MON2: variants seen among roughly 807,000 people sequenced by gnomAD.
MON2 encodes the protein protein MON2 homolog.
In MON2, 84 loss-of-function variants were observed where a neutral mutation model predicts 208.6. The ratio of observed to expected loss-of-function variants is 0.40; its 90% CI spans 0.34 to 0.48. The LOEUF is 0.48. MON2 is among the 20% of genes least tolerant of loss of function. The pLI, the probability that MON2 is intolerant of heterozygous loss-of-function variation, is 0.59. For synonymous variants in MON2, 660 were observed against 694.0 expected, an observed-to-expected ratio of 0.95 and a Z score of 0.77; for missense variants, 1,611 against 2,015.4, an observed-to-expected ratio of 0.80 and a Z score of 3.84.
chr12:62,537,800 G>A lies in MON2; in HGVS notation c.2118+94G>A, dbSNP rs944722662. The A allele has an allele frequency of 1.6e-5, 16 of 988,572 alleles. No individual in the cohort carries two copies. The African/African-American group carries it at 2.3e-4, about 14-fold the overall frequency. The allele number at this position is 988,572 out of a possible 1,614,324, so 61.2% of individuals were successfully genotyped here. A position where few individuals can be genotyped will look rare whatever the true frequency, so the allele number is the denominator to read the frequency against. On this transcript the variant is annotated intron_variant, in intron 16 of 34. Transcript: ENST00000393630. The stretch of plus-strand genomic sequence containing the variant: ...CAATGTATTTTGATGTTTTGGACAG[G>A]CCTAAAAAATAGATAGTAAGTATGA...
rs1285675849 is a variant in MON2 at position 62,561,059 on chromosome 12, A to C, written c.3978A>C (p.Ala1326=). Residue 1326 remains alanine, a synonymous_variant, in exon 26 of 35, where the codon GCA becomes GCC. Transcript: ENST00000393630. ...TTATTCTTCCATCTTATACCGAAGC[A>C]GTTTTGACAAGTTTACAGGAAGCTG... ...SPFILPSYTE[A]VLTSLQEAVL... is the part of the protein sequence containing the mutation. The C allele has an allele frequency of 2.5e-6, 4 of 1,613,084 alleles. No individual in the cohort carries two copies. Among genetic ancestry groups the C allele is most frequent in the Middle Eastern group, 3.3e-4 (2 of 6,052 alleles).
chr12:62,537,757 G>T, intron 16 of MON2, 51 bp downstream of exon 16: 1 of 1,342,510 alleles, frequency 7.4e-7, no homozygotes. Flanking sequence ...ATATATAATT[G>T]CTAACAGTTA....
At chr12:62,536,577 GT>G (rs2072981624) in intron 14 of MON2, among the ~76,000 whole-genome samples, 1 of 151,974 alleles carries the variant, frequency 6.6e-6, no homozygotes, top group Non-Finnish European at 1.5e-5. Context: ...TTCGAGTTCT[GT>G]ATTGCTTATG....
intron 1 of MON2, among the ~76,000 whole-genome samples, chr12:62,468,067 A>G (rs1207427478): frequency 6.6e-6 from 1 of 152,006 alleles, no homozygotes; most frequent in Non-Finnish European, 1.5e-5. Context: ...AATACATGGA[A>G]ATTTAATTCT....
At chr12:62,579,559 T>TAA (rs1475755677) in intron 31 of MON2, among the ~76,000 whole-genome samples, 216 of 137,266 alleles carry the variant, frequency 1.6e-3, no homozygotes, top group African/African-American at 3.3e-3. Flanking sequence ...CCGTCTCTAC[T>TAA]AAAAAAAAAA....
chr12:62,515,810 C>T (rs11614276), intron 8 of MON2, among the ~76,000 whole-genome samples: 41,579 of 151,038 alleles, frequency 0.28, 5,733 homozygotes, highest in Middle Eastern at 0.35. Flanking sequence ...AGCAAGACTC[C>T]GTCTCAGGAA....
chr12:62,523,475 A>C (rs1436010973), intron 8 of MON2, among the ~76,000 whole-genome samples: 1 of 152,314 alleles, frequency 6.6e-6, no homozygotes, highest in East Asian at 1.9e-4. Context: ...AAGCCTCTGC[A>C]TATACTTACC....
intron 24 of MON2, 141 bp downstream of exon 24, chr12:62,553,315 C>G: frequency 1.3e-6 from 1 of 772,600 alleles, no homozygotes; most frequent in Non-Finnish European, 2.0e-6. Flanking sequence ...ATAACTGTGT[C>G]ATATTGTAAA....
At position 62,555,975 on chromosome 12, in the gene MON2, C is replaced by T; in HGVS notation, c.3211-19C>T. 2 of 1,544,828 alleles carry T rather than the reference C, an allele frequency of 1.3e-6. No homozygotes were observed. Among genetic ancestry groups the T allele is most frequent in the Middle Eastern group, 1.7e-4 (1 of 5,872 alleles). ...TATATTATCAATGCATTTTAAATGA[C>T]ATTTTAATAAATATTTAGGTACTCT... On this transcript the variant is annotated intron_variant, in intron 24 of 34. Coordinates refer to ENST00000393630, the MANE Select transcript of MON2 (RefSeq NM_015026.3).
In MON2 at chr12:62,593,866, A is replaced by G. The variant is rs1565725406; in HGVS notation, c.*1117A>G. On this transcript the variant is annotated 3_prime_UTR_variant, in exon 35 of 35. Coordinates refer to ENST00000393630, the MANE Select transcript of MON2 (RefSeq NM_015026.3). ...ACTCACAAGTATAAAATATGTGTGT[A>G]TTATAAAACAATGAAAAGTGTATTT... is the stretch of plus-strand genomic sequence containing the variant. 2 of 152,184 alleles carry G rather than the reference A, an allele frequency of 1.3e-5. No individual in the cohort carries two copies. Among genetic ancestry groups the G allele is most frequent in the Non-Finnish European group, 2.9e-5 (2 of 68,012 alleles). The allele number at this position is 152,184 out of a possible 1,614,324, so 9.4% of individuals were successfully genotyped here. A position where few individuals can be genotyped will look rare whatever the true frequency, so the allele number is the denominator to read the frequency against.
intron 29 of MON2, among the ~76,000 whole-genome samples, chr12:62,568,059 A>G (rs1173433204): frequency 1.3e-5 from 2 of 152,364 alleles, no homozygotes; most frequent in East Asian, 3.9e-4. Flanking sequence ...CTGAAAGACA[A>G]AAAACTAAGT....
At position 62,508,197 on chromosome 12, in the gene MON2, G is replaced by C. The variant is rs1370665700; in HGVS notation, c.790-89G>C. On this transcript the variant is annotated intron_variant, in intron 7 of 34. Coordinates refer to ENST00000393630, the MANE Select transcript of MON2 (RefSeq NM_015026.3). ...AATTATTAATACTGGTTATTAAGAAGTTTTGTTTCCTAGTGAGACTGTGTT... is the reference window on the plus strand; with the variant it reads ...AATTATTAATACTGGTTATTAAGAACTTTTGTTTCCTAGTGAGACTGTGTT... The C allele has an allele frequency of 5.2e-6, 5 of 958,176 alleles. No individual in the cohort carries two copies. The South Asian group carries it at 8.2e-5, about 16-fold the overall frequency. The allele number at this position is 958,176 out of a possible 1,614,324, so 59.4% of individuals were successfully genotyped here.
chr12:62,532,407 CATT>C, intron 11 of MON2, 28 bp from the exon 12 acceptor site: 1 of 1,466,176 alleles, frequency 6.8e-7, no homozygotes, highest in South Asian at 1.1e-5. Flanking sequence ...TGTGGCTTCT[CATT>C]AGTATTCTAT....
intron 8 of MON2, among the ~76,000 whole-genome samples, chr12:62,511,784 C>T (rs1231968760): frequency 6.6e-6 from 1 of 152,200 alleles, no homozygotes; most frequent in Non-Finnish European, 1.5e-5. Context: ...AACTTAAAAT[C>T]TTCTACACCT....
In MON2 at chr12:62,525,996, A is replaced by G. The variant is rs570830362; in HGVS notation, c.1294A>G (p.Met432Val). The G allele has an allele frequency of 6.8e-6, 11 of 1,613,824 alleles. No homozygotes were observed. The African/African-American group carries it at 1.5e-4, about 22-fold the overall frequency. ...GSVSAPANSG[M>V]VGIGGGVTLL... The stretch of plus-strand genomic sequence containing the variant: ...AGTCTCAGCACCAGCTAACTCAGGA[A>G]TGGTGGGGATTGGTGGAGGTGTTAC... The change falls in exon 11 of 35, where the codon ATG becomes GTG. Residue 432 changes from methionine (M) to valine (V), a missense_variant. Met to Val is a conservative substitution (Grantham distance 21). Transcript: ENST00000393630.
chr12:62,470,066 A>G (rs2068720129), intron 1 of MON2, among the ~76,000 whole-genome samples: 1 of 151,722 alleles, frequency 6.6e-6, no homozygotes, highest in African/African-American at 2.4e-5. Context: ...CACCACACGC[A>G]GCTGATTTTT....
intron 8 of MON2, among the ~76,000 whole-genome samples, chr12:62,516,820 CCTGT>C (rs1446502463): frequency 6.6e-6 from 1 of 152,004 alleles, no homozygotes; most frequent in Non-Finnish European, 1.5e-5. Flanking sequence ...GCATTATATG[CCTGT>C]ATCAGAATAT....
chr12:62,519,018 G>A (rs1427946902), intron 8 of MON2, among the ~76,000 whole-genome samples: 1 of 152,102 alleles, frequency 6.6e-6, no homozygotes, highest in Non-Finnish European at 1.5e-5. Context: ...CCTGGAAATG[G>A]TACATCTCCT....
chr12:62,540,369 A>G (rs886352387), intron 19 of MON2, among the ~76,000 whole-genome samples: 3 of 152,140 alleles, frequency 2.0e-5, no homozygotes, highest in African/African-American at 7.2e-5. Flanking sequence ...TCCTTGTTAT[A>G]TAAGATGTTA....
Sources: allele counts gnomAD v4.1 joint callset (sites outside exome capture counted in the v4.1 genomes callset), GRCh38; gene constraint gnomAD v4.1.1; transcripts MANE v1.5; gene names NCBI Gene and HGNC (gene_info 2026-07-23, HGNC 2026-07-21).